Variants in TRIM14 observed in about 807,000 individuals in gnomAD.
TRIM14 encodes the protein tripartite motif-containing protein 14.
Under a neutral mutation model 44.5 loss-of-function variants are expected in TRIM14, and 28 were observed. That is an observed-to-expected ratio of 0.63 (90% CI 0.47 to 0.86). TRIM14 has a LOEUF of 0.86. Among genes scored for constraint, TRIM14 ranks in the 40% least tolerant of loss-of-function variants. The pLI is 0.00. For synonymous variants in TRIM14, 299 were observed against 269.2 expected (o/e 1.11, Z -1.08); for missense variants, 607 against 611.1 (o/e 0.99, Z 0.07).
At chr9:98,080,949 AG>A, downstream of TRIM14, 1 of 1,614,190 alleles carries the variant, frequency 6.2e-7, no homozygotes, top group South Asian at 1.1e-5. Flanking sequence ...AAGACCTGGA[AG>A]GGGAGTGACC....
chr9:98,087,859 G>T lies in TRIM14; in HGVS notation c.940C>A (p.Arg314Ser). 6.4e-7 allele frequency: 1 copy of T among 1,560,056 alleles called. No individual in the cohort carries two copies. The change falls in exon 6 of 6, where the codon CGT becomes AGT. Residue 314 changes from arginine to serine, a missense_variant. This residue lies in a region of TRIM14 where 356 missense variants were observed against 323.0 expected (regional missense o/e 1.10). Coordinates refer to ENST00000341469, the MANE Select transcript of TRIM14 (RefSeq NM_014788.4). ...RFDALWQVLA[R>S]DCFATGRHYW... The stretch of plus-strand genomic sequence containing the variant: ...TGGCGGCCGGTGGCGAAGCAGTCAC[G>T]AGCCAGCACTTGCCAGAGCGCGTCG...
chr9:98,080,230 T>TAAC (rs1197397880), downstream of TRIM14, among the ~76,000 whole-genome samples: 1 of 152,130 alleles, frequency 6.6e-6, no homozygotes, highest in Non-Finnish European at 1.5e-5. Flanking sequence ...AAATAATAAA[T>TAAC]AACAATAAAA....
At chr9:98,072,302 GT>G (rs1339261676) in intron 6 of TRIM14, among the ~76,000 whole-genome samples, 2 of 152,200 alleles carry the variant, frequency 1.3e-5, no homozygotes, top group African/African-American at 4.8e-5. Context: ...ACCCTTTGGA[GT>G]TTTTCTGCCT....
At chr9:98,090,919 G>C (rs942028193) in intron 5 of TRIM14, among the ~76,000 whole-genome samples, 3 of 152,130 alleles carry the variant, frequency 2.0e-5, no homozygotes, top group Admixed American at 2.0e-4. Flanking sequence ...CAGTGCCTCT[G>C]TTTTGATATT....
intron 2 of TRIM14, among the ~76,000 whole-genome samples, chr9:98,102,536 G>A (rs1442704132): frequency 6.6e-6 from 1 of 152,148 alleles, no homozygotes; most frequent in Non-Finnish European, 1.5e-5. Context: ...TGCTAAACAT[G>A]GATGAACCTC....
intron 5 of TRIM14, 145 bp from the exon 6 acceptor site, chr9:98,088,150 G>A: frequency 1.1e-6 from 1 of 904,126 alleles, no homozygotes; most frequent in Non-Finnish European, 1.5e-6. Flanking sequence ...CCTTTAAACC[G>A]CGACTGCCCC....
intron 1 of TRIM14, among the ~76,000 whole-genome samples, chr9:98,113,714 C>T (rs535348431): frequency 3.9e-5 from 6 of 152,222 alleles, no homozygotes; most frequent in East Asian, 3.9e-4. Flanking sequence ...TAATAAGAGA[C>T]GGTAAAAGAT....
chr9:98,097,828 A>G (rs1473324672), intron 3 of TRIM14, among the ~76,000 whole-genome samples: 2 of 152,242 alleles, frequency 1.3e-5, no homozygotes, highest in African/African-American at 2.4e-5. Flanking sequence ...ATTCCTTTGT[A>G]TTCCATAGCC....
the TRIM14 span, among the ~76,000 whole-genome samples, chr9:98,062,210 T>TAA: frequency 3.7e-5 from 5 of 133,730 alleles, no homozygotes; most frequent in South Asian, 2.3e-4. Context: ...TGTCTCTTAA[T>TAA]AAAAAAAAAA....
chr9:98,079,850 G>A (rs139250882), downstream of TRIM14, among the ~76,000 whole-genome samples: 31 of 152,280 alleles, frequency 2.0e-4, no homozygotes, highest in Non-Finnish European at 2.5e-4. Flanking sequence ...GTAGCAACCC[G>A]CACTCCATCA....
the TRIM14 span, among the ~76,000 whole-genome samples, chr9:98,039,401 G>A: frequency 6.6e-6 from 1 of 152,160 alleles, no homozygotes; most frequent in South Asian, 2.1e-4. Flanking sequence ...ATTCCTGGGC[G>A]TAGGCTGAAC....
At chr9:98,100,845 A>G (rs943150736) in intron 2 of TRIM14, among the ~76,000 whole-genome samples, 2 of 152,136 alleles carry the variant, frequency 1.3e-5, no homozygotes, top group Non-Finnish European at 2.9e-5. Context: ...AATTAAAATA[A>G]TATGAGATTT....
chr9:98,057,480 C>A, the TRIM14 span, among the ~76,000 whole-genome samples: 1 of 152,170 alleles, frequency 6.6e-6, no homozygotes, highest in African/African-American at 2.4e-5. Flanking sequence ...TCAGTTCCAC[C>A]ACTACTAGCT....
chr9:98,077,008 G>A (rs1287482680), intron 6 of TRIM14: 4 of 1,603,050 alleles, frequency 2.5e-6, no homozygotes, highest in Admixed American at 3.4e-5. Context: ...GGAAAAGACA[G>A]CCAAAAAAGG....
chr9:98,047,069 T>C, the TRIM14 span, among the ~76,000 whole-genome samples: 2 of 152,262 alleles, frequency 1.3e-5, no homozygotes, highest in East Asian at 3.9e-4. Flanking sequence ...TCATCTTGAA[T>C]TGTAGCTCCC....
At chr9:98,069,637 A>C (rs1476840556) in exon 7 of TRIM14, 1 of 152,280 alleles carries the variant, frequency 6.6e-6, no homozygotes, top group African/African-American at 2.4e-5. Flanking sequence ...TGAGTGAGAA[A>C]GCAGCATATG....
At chr9:98,101,746 T>C (rs964267049) in intron 2 of TRIM14, among the ~76,000 whole-genome samples, 1 of 152,196 alleles carries the variant, frequency 6.6e-6, no homozygotes, top group East Asian at 1.9e-4. Context: ...ATTTATTCTT[T>C]CATGCAGCAA....
intron 1 of TRIM14, among the ~76,000 whole-genome samples, chr9:98,118,374 C>T (rs1193799834): frequency 1.3e-5 from 2 of 152,114 alleles, no homozygotes; most frequent in African/African-American, 4.8e-5. Flanking sequence ...CAGAGCCTTC[C>T]TCTTGTGGCC....
intron 6 of TRIM14, among the ~76,000 whole-genome samples, chr9:98,072,715 T>C (rs765330174): frequency 1.3e-5 from 2 of 152,148 alleles, no homozygotes; most frequent in Non-Finnish European, 2.9e-5. Context: ...GGCAGGAAAG[T>C]GCATTCTTTA....
Sources: gnomAD v4.1 joint callset for allele counts (sites outside exome capture counted in the v4.1 genomes callset) on GRCh38, gnomAD v4.1.1 for gene constraint, gnomAD v4.1.1 regional missense constraint, MANE v1.5 for transcripts, NCBI Gene and HGNC (gene_info 2026-07-23, HGNC 2026-07-21) for gene names.